TIMM13: variants seen among roughly 807,000 people sequenced by gnomAD.
The protein encoded by TIMM13 is mitochondrial import inner membrane translocase subunit Tim13.
TIMM13 carries 8 observed loss-of-function variants against 10.9 expected under a neutral mutation model. That is an observed-to-expected ratio of 0.73 (90% CI 0.43 to 1.32). TIMM13 has a LOEUF of 1.32. Among genes scored for constraint, TIMM13 ranks in the 40% most tolerant of loss-of-function variants. The probability of loss-of-function intolerance (pLI) is 0.01; values close to 1 mark genes in which losing one functional copy is unlikely to be tolerated. For missense variants in TIMM13, 147 were observed against 132.8 expected, an observed-to-expected ratio of 1.11 and a Z score of -0.53; for synonymous variants, 68 against 52.5, an observed-to-expected ratio of 1.30 and a Z score of -1.28.
At position 2,427,048 on chromosome 19, in the gene TIMM13, T is replaced by C; in HGVS notation, c.190-2A>G. 1 of 1,608,186 alleles carries C rather than the reference T, an allele frequency of 6.2e-7. No homozygotes were observed. Among genetic ancestry groups the C allele is most frequent in the Non-Finnish European group, 8.5e-7 (1 of 1,178,432 alleles). On this transcript the variant is annotated splice_acceptor_variant, in intron 2 of 2. Transcript: ENST00000215570. LOFTEE classifies it high-confidence loss of function. ...GTCCATGCACATGGCGATGCACTTC[T>C]GCGGGAGCGGAGGGGCGCACGGCTC... is the stretch of plus-strand genomic sequence containing the variant.
Position 2,426,488 on chromosome 19 carries a change from C to T in TIMM13, c.*460G>A, listed in dbSNP as rs2145435174. 1 of 284,360 alleles carries T rather than the reference C, an allele frequency of 3.5e-6. No homozygotes were observed. Among genetic ancestry groups the T allele is most frequent in the South Asian group, 4.4e-5 (1 of 22,892 alleles). The allele number at this position is 284,360 out of a possible 1,614,324, so 17.6% of individuals were successfully genotyped here. A position where few individuals can be genotyped will look rare whatever the true frequency, so the allele number is the denominator to read the frequency against. The stretch of plus-strand genomic sequence containing the variant: ...TCTCCCAACCCAGGGGAGGCTGAGA[C>T]CCTCCGAGCTGGGGTTCCAGGGACA... On this transcript the variant is annotated 3_prime_UTR_variant, in exon 3 of 3. Transcript: ENST00000215570.
intron 2 of TIMM13, 32 bp from the exon 3 acceptor site, chr19:2,427,078 C>G (rs771138486): frequency 1.2e-6 from 2 of 1,600,654 alleles, no homozygotes; most frequent in Non-Finnish European, 1.7e-6. Flanking sequence ...CGGCTCAGCT[C>G]GGGACTTCGC....
rs1038457591 is a variant in TIMM13, at chr19:2,426,863, C to G, written c.*85G>C. ...GCACCGGTGCCACCCTCCTAAGCCC[C>G]GGGCAGGCAGTACGTACATGCGGAC... On this transcript the variant is annotated 3_prime_UTR_variant, in exon 3 of 3. Transcript: ENST00000215570. 2 of 1,357,250 alleles carry G rather than the reference C, an allele frequency of 1.5e-6. No homozygotes were observed. The highest frequency in any genetic ancestry group is 2.0e-5 in the Admixed American group (1 of 50,480). 84.1% of individuals were successfully genotyped at this position (1,357,250 alleles called of 1,614,324 possible). A position where few individuals can be genotyped will look rare whatever the true frequency, so the allele number is the denominator to read the frequency against.
rs1182872560 is a variant in TIMM13, at chr19:2,427,055, G to A, written c.190-9C>T. 4 of 1,606,638 alleles carry A rather than the reference G, an allele frequency of 2.5e-6. No homozygotes were observed. Among genetic ancestry groups the A allele is most frequent in the Admixed American group, 1.7e-5 (1 of 59,228 alleles). ...CACATGGCGATGCACTTCTGCGGGA[G>A]CGGAGGGGCGCACGGCTCAGCTCGG... On this transcript the variant is annotated splice_polypyrimidine_tract_variant and intron_variant, in intron 2 of 2. Transcript: ENST00000215570.
rs772445916 is a variant in TIMM13, at chr19:2,425,960, C to A, written c.*988G>T. On this transcript the variant is annotated 3_prime_UTR_variant, in exon 3 of 3. Transcript: ENST00000215570. ...TGGGGGACCCCTGGCCTGCAGGGAGCCCTCTGGACGGTGGGTGCTAACTGG... is the reference window on the plus strand; with the variant it reads ...TGGGGGACCCCTGGCCTGCAGGGAGACCTCTGGACGGTGGGTGCTAACTGG... The A allele has an allele frequency of 1.9e-5, 31 of 1,602,884 alleles. No individual in the cohort carries two copies. Among genetic ancestry groups the A allele is most frequent in the South Asian group, 5.6e-5 (5 of 89,920 alleles).
rs1170917531 is a variant in TIMM13 at position 2,427,558 on chromosome 19, A to C, written c.-25T>G. 1 of 1,578,530 alleles carries C rather than the reference A, an allele frequency of 6.3e-7. No homozygotes were observed. Among genetic ancestry groups the C allele is most frequent in the Non-Finnish European group, 8.6e-7 (1 of 1,163,800 alleles). ...TGGCTCCGCAAAGTCAACCGGACCG[A>C]GGCCGCGTGCGCCGACTCGTAACTA... On this transcript the variant is annotated 5_prime_UTR_variant, in exon 1 of 3. Coordinates refer to ENST00000215570, the MANE Select transcript of TIMM13 (RefSeq NM_012458.4).
intron 2 of TIMM13, 45 bp downstream of exon 2, chr19:2,427,211 A>C (rs1478053837): frequency 6.2e-7 from 1 of 1,606,110 alleles, no homozygotes. Context: ...CCCCCCTCGA[A>C]TCTAGGCCCT....
chr19:2,427,168 C>A, intron 2 of TIMM13, 88 bp downstream of exon 2: 1 of 1,576,186 alleles, frequency 6.3e-7, no homozygotes, highest in South Asian at 1.1e-5. Context: ...CTCCGTCGCA[C>A]CTCCCCGTTA....
At position 2,426,817 on chromosome 19, in the gene TIMM13, G is replaced by A; in HGVS notation, c.*131C>T. 1.1e-6 allele frequency: 1 copy of A among 911,362 alleles called. No homozygotes were observed. Among genetic ancestry groups the A allele is most frequent in the South Asian group, 1.5e-5 (1 of 64,558 alleles). 56.5% of individuals were successfully genotyped at this position (911,362 alleles called of 1,614,324 possible). ...AGGGGGCAGGGCGGGGGGTGGCGAG[G>A]ACACAGTCCCGTGTGTCCCAGCACC... On this transcript the variant is annotated 3_prime_UTR_variant, in exon 3 of 3. Transcript: ENST00000215570.
In TIMM13 at chr19:2,425,891, C is replaced by G. The variant is rs748173774; in HGVS notation, c.*1057G>C. The stretch of plus-strand genomic sequence containing the variant: ...CCCAAGGGCTGCTGTAGGGGAGGTA[C>G]CGGCCTCTGAACCCCCTTTCTTCTC... On this transcript the variant is annotated 3_prime_UTR_variant, in exon 3 of 3. Transcript: ENST00000215570. 6.4e-7 allele frequency: 1 copy of G among 1,554,426 alleles called. No individual in the cohort carries two copies. The highest frequency in any genetic ancestry group is 8.6e-7 in the Non-Finnish European group (1 of 1,157,396).
chr19:2,426,649 C>CA lies in TIMM13; in HGVS notation c.*298dup, dbSNP rs1971642686. 1 of 504,196 alleles carries CA rather than the reference C, an allele frequency of 2.0e-6. No individual in the cohort carries two copies. The highest frequency in any genetic ancestry group is 3.6e-6 in the Non-Finnish European group (1 of 280,634). The allele number at this position is 504,196 out of a possible 1,614,324, so 31.2% of individuals were successfully genotyped here. On this transcript the variant is annotated 3_prime_UTR_variant, in exon 3 of 3. Transcript: ENST00000215570. The stretch of plus-strand genomic sequence containing the variant: ...ACCACCCCCAACTCCGAAGTCCAGA[C>CA]AAGCTGTCCGCCCAGAATATGAGGC...
Position 2,425,903 on chromosome 19 carries a change from C to T in TIMM13, c.*1045G>A. Reference sequence around the variant, plus strand: ...TGTAGGGGAGGTACCGGCCTCTGAACCCCCTTTCTTCTCTCCCCAACAGGG... The same window carrying T: ...TGTAGGGGAGGTACCGGCCTCTGAATCCCCTTTCTTCTCTCCCCAACAGGG... On this transcript the variant is annotated 3_prime_UTR_variant, in exon 3 of 3. Transcript: ENST00000215570. 1.3e-6 allele frequency: 2 copies of T among 1,566,582 alleles called. No individual in the cohort carries two copies. Among genetic ancestry groups the T allele is most frequent in the East Asian group, 2.3e-5 (1 of 43,284 alleles).
chr19:2,427,515 A>C lies in TIMM13; in HGVS notation c.19T>G (p.Ser7Ala), dbSNP rs759409578. 6.2e-7 allele frequency: 1 copy of C among 1,607,880 alleles called. No individual in the cohort carries two copies. Among genetic ancestry groups the C allele is most frequent in the Non-Finnish European group, 8.5e-7 (1 of 1,177,798 alleles). Residue 7 changes from serine (S) to alanine (A), a missense_variant, in exon 1 of 3, where the codon TCC becomes GCC. Ser to Ala is a moderately conservative substitution (Grantham distance 99). Coordinates refer to ENST00000215570, the MANE Select transcript of TIMM13 (RefSeq NM_012458.4). ...CCGCTGCCGGAGCCCCCGAAATCGG[A>C]GCCGAAGCCGCCCTCCATGGCTCCG... MEGGFG[S>A]DFGGSGSGKL... is the part of the protein sequence containing the mutation.
rs749483030 is a variant in TIMM13 at position 2,427,008 on chromosome 19, G to A, written c.228C>T (p.Ala76=). The change falls in exon 3 of 3, where the codon GCC becomes GCT. Residue 76 remains alanine, a synonymous_variant. Coordinates refer to ENST00000215570, the MANE Select transcript of TIMM13 (RefSeq NM_012458.4). Reference sequence around the variant, plus strand: ...TGTAGGCGCGAGACACGGTGTTCCAGGCGTCCATGTAGCGGTCCATGCACA... The same window carrying A: ...TGTAGGCGCGAGACACGGTGTTCCAAGCGTCCATGTAGCGGTCCATGCACA... ...IAMCMDRYMD[A]WNTVSRAYNS... is the part of the protein sequence containing the mutation. 1 of 1,609,072 alleles carries A rather than the reference G, an allele frequency of 6.2e-7. No individual in the cohort carries two copies. The highest frequency in any genetic ancestry group is 1.3e-5 in the African/African-American group (1 of 74,854).
At position 2,425,933 on chromosome 19, in the gene TIMM13, G is replaced by A. The variant is rs1210671414; in HGVS notation, c.*1015C>T. Reference sequence around the variant, plus strand: ...TTTCTTCTCTCCCCAACAGGGTGACGCTGGGGGACCCCTGGCCTGCAGGGA... The same window carrying A: ...TTTCTTCTCTCCCCAACAGGGTGACACTGGGGGACCCCTGGCCTGCAGGGA... On this transcript the variant is annotated 3_prime_UTR_variant, in exon 3 of 3. Coordinates refer to ENST00000215570, the MANE Select transcript of TIMM13 (RefSeq NM_012458.4). 3.8e-6 allele frequency: 6 copies of A among 1,594,522 alleles called. No homozygotes were observed. The East Asian group carries it at 9.1e-5, about 24-fold the overall frequency.
rs934732894 is a variant in TIMM13 at position 2,425,675 on chromosome 19, C to G, written c.*1273G>C. On this transcript the variant is annotated 3_prime_UTR_variant, in exon 3 of 3. Transcript: ENST00000215570. ...ACTCCACAGCCGTTTATTGGGCAAC[C>G]CACCGCATCCCATCCCCGGGCCTCG... 2.4e-6 allele frequency: 3 copies of G among 1,258,514 alleles called. No individual in the cohort carries two copies. The African/African-American group carries it at 4.7e-5, about 20-fold the overall frequency. 78.0% of individuals were successfully genotyped at this position (1,258,514 alleles called of 1,614,324 possible). A position where few individuals can be genotyped will look rare whatever the true frequency, so the allele number is the denominator to read the frequency against.
chr19:2,427,263 G>A lies in TIMM13; in HGVS notation c.182C>T (p.Ser61Phe), dbSNP rs1182114276. The A allele has an allele frequency of 1.9e-6, 3 of 1,613,140 alleles. No homozygotes were observed. The highest frequency in any genetic ancestry group is 1.3e-5 in the African/African-American group (1 of 74,908). Residue 61 changes from serine (S) to phenylalanine (F), a missense_variant, in exon 2 of 3, where the codon TCC becomes TTC. Coordinates refer to ENST00000215570, the MANE Select transcript of TIMM13 (RefSeq NM_012458.4). Reference sequence around the variant, plus strand: ...AACCTCCGCGGGTCTCACCTGCTCGGAGTTGTCCAGGGAGCCCCCAGGTTT... The same window carrying A: ...AACCTCCGCGGGTCTCACCTGCTCGAAGTTGTCCAGGGAGCCCCCAGGTTT... ...IGKPGGSLDN[S>F]EQKCIAMCMD...
Position 2,426,732 on chromosome 19 carries a change from C to T in TIMM13, c.*216G>A. The T allele has an allele frequency of 1.7e-6, 1 of 605,138 alleles. No homozygotes were observed. Among genetic ancestry groups the T allele is most frequent in the Non-Finnish European group, 3.0e-6 (1 of 338,500 alleles). 37.5% of individuals were successfully genotyped at this position (605,138 alleles called of 1,614,324 possible). On this transcript the variant is annotated 3_prime_UTR_variant, in exon 3 of 3. Coordinates refer to ENST00000215570, the MANE Select transcript of TIMM13 (RefSeq NM_012458.4). ...GCCTGAAGGAGGTGCCACTGGGCTG[C>T]CAGCACTTCAGGAAGGCACAGGGCC...
rs764285509 is a variant in TIMM13 at position 2,427,541 on chromosome 19, CAA to C, written c.-10_-9del. The C allele has an allele frequency of 1.9e-5, 30 of 1,597,212 alleles. No individual in the cohort carries two copies. The highest frequency in any genetic ancestry group is 2.7e-5 in the African/African-American group (2 of 74,654). ...GCCGAAGCCGCCCTCCATGGCTCCG[CAA>C]AGTCAACCGGACCGAGGCCGCGTGC... is the stretch of plus-strand genomic sequence containing the variant. On this transcript the variant is annotated 5_prime_UTR_variant, in exon 1 of 3. Coordinates refer to ENST00000215570, the MANE Select transcript of TIMM13 (RefSeq NM_012458.4).
Sources: allele counts gnomAD v4.1 joint callset, GRCh38; gene constraint gnomAD v4.1.1; transcripts MANE v1.5; gene names NCBI Gene and HGNC (gene_info 2026-07-23, HGNC 2026-07-21).